Variants in CTNND2 observed in about 807,000 individuals in gnomAD.
CTNND2 encodes the protein catenin delta-2.
Under a neutral mutation model 144.4 loss-of-function variants are expected in CTNND2, and 22 were observed. The observed-to-expected ratio is 0.15, with a 90% CI of 0.11 to 0.22. The LOEUF (loss-of-function observed/expected upper bound fraction) is 0.22. Among genes scored for constraint, CTNND2 ranks in the 10% least tolerant of loss-of-function variants. The pLI is 1.00. For missense variants in CTNND2, 1,353 were observed against 1,618.8 expected (o/e 0.84, Z 2.82); for synonymous variants, 751 against 695.6 (o/e 1.08, Z -1.25).
intron 11 of CTNND2, among the ~76,000 whole-genome samples, chr5:11,186,893 C>T (rs1295985339): frequency 2.0e-5 from 3 of 152,154 alleles, no homozygotes; most frequent in African/African-American, 7.2e-5. Flanking sequence ...AAGCATGCCC[C>T]TTACATCCAA....
chr5:11,718,397 C>T (rs962699121), intron 2 of CTNND2, among the ~76,000 whole-genome samples: 1 of 152,174 alleles, frequency 6.6e-6, no homozygotes, highest in Non-Finnish European at 1.5e-5. Context: ...TGAGCTCCCG[C>T]TTCTGTAGGA....
intron 3 of CTNND2, among the ~76,000 whole-genome samples, chr5:11,547,225 G>A (rs564106432): frequency 1.3e-5 from 2 of 151,474 alleles, no homozygotes; most frequent in East Asian, 3.9e-4. Context: ...CCAAGATCAC[G>A]CCACCGCACT....
intron 1 of CTNND2, among the ~76,000 whole-genome samples, chr5:11,745,227 C>A (rs934367406): frequency 1.3e-5 from 2 of 152,122 alleles, no homozygotes; most frequent in Non-Finnish European, 2.9e-5. Context: ...GTGGCACATA[C>A]ATTGTTGGCA....
Position 11,022,732 on chromosome 5 carries a change from T to C in CTNND2, c.2999+37A>G, listed in dbSNP as rs188376316. The C allele has an allele frequency of 3.7e-4, 584 of 1,561,220 alleles. 3 individuals carry two copies. In the African/African-American group the frequency reaches 4.5e-3, roughly 12 times the overall value. The stretch of plus-strand genomic sequence containing the variant: ...TGAAAGGCACATTCAGAACCAATTT[T>C]ACCAGGACAGAGATATGGCGTCACC... On this transcript the variant is annotated intron_variant, in intron 17 of 21. Transcript: ENST00000304623.
intron 1 of CTNND2, among the ~76,000 whole-genome samples, chr5:11,752,153 C>T (rs1010397967): frequency 2.0e-5 from 3 of 151,724 alleles, no homozygotes; most frequent in Non-Finnish European, 2.9e-5. Flanking sequence ...ATTCTGTACG[C>T]CGTCTGTTTA....
chr5:11,075,375 T>G (rs765725043), intron 16 of CTNND2, among the ~76,000 whole-genome samples: 5 of 152,314 alleles, frequency 3.3e-5, no homozygotes, highest in South Asian at 4.1e-4. Context: ...TAGGAACATA[T>G]GGGGGCGTCA....
In CTNND2 at chr5:11,180,167, TAGTG is replaced by T. The variant is rs551735219; in HGVS notation, c.1975+19277_1975+19280del. ...GGTTTCCCCCATGCTGTTCTTGTGA[TAGTG>T]AGTGAATTCTCATGAGATCCAGTGG... On this transcript the variant is annotated intron_variant, in intron 11 of 21. Transcript: ENST00000304623. 1.2e-3 allele frequency among the ~76,000 whole-genome samples: 182 copies of T among 152,158 alleles called. 1 individual carries two copies. The highest frequency in any genetic ancestry group is 4.3e-3 in the African/African-American group (178 of 41,492).
chr5:10,993,747 T>C (rs1319154558), intron 18 of CTNND2, among the ~76,000 whole-genome samples: 1 of 152,118 alleles, frequency 6.6e-6, no homozygotes. Flanking sequence ...ATTCTGGCTT[T>C]ATCCTATCAG....
intron 8 of CTNND2, among the ~76,000 whole-genome samples, chr5:11,347,011 G>A (rs1029810704): frequency 2.6e-5 from 4 of 152,176 alleles, no homozygotes; most frequent in African/African-American, 7.2e-5. Context: ...ATGTGTTCCG[G>A]TAATGTTATA....
At chr5:11,748,013 A>G (rs1232942690) in intron 1 of CTNND2, among the ~76,000 whole-genome samples, 1 of 152,116 alleles carries the variant, frequency 6.6e-6, no homozygotes, top group Non-Finnish European at 1.5e-5. Flanking sequence ...AGCACAAAAA[A>G]TCTCACTCTG....
At chr5:11,538,064 G>A (rs781751566) in intron 3 of CTNND2, among the ~76,000 whole-genome samples, 13 of 152,142 alleles carry the variant, frequency 8.5e-5, no homozygotes, top group Non-Finnish European at 1.6e-4. Context: ...TTGTCACTTT[G>A]GAGCTGACCA....
chr5:11,328,488 G>C (rs1264970281), intron 9 of CTNND2, among the ~76,000 whole-genome samples: 1 of 151,732 alleles, frequency 6.6e-6, no homozygotes, highest in Non-Finnish European at 1.5e-5. Flanking sequence ...ATTTTTTGTA[G>C]AGATGGGGTT....
intron 1 of CTNND2, among the ~76,000 whole-genome samples, chr5:11,835,294 T>C (rs149339387): frequency 6.6e-6 from 1 of 152,354 alleles, no homozygotes; most frequent in African/African-American, 2.4e-5. Context: ...TCTGAGTTGG[T>C]ATCAGGGTAA....
At chr5:11,057,959 C>G (rs1281523559) in intron 16 of CTNND2, among the ~76,000 whole-genome samples, 1 of 152,068 alleles carries the variant, frequency 6.6e-6, no homozygotes, top group Admixed American at 6.6e-5. Context: ...GAACTTTGAA[C>G]ATAAGAGAGA....
chr5:11,272,971 A>T (rs1457161427), intron 9 of CTNND2, among the ~76,000 whole-genome samples: 1 of 152,136 alleles, frequency 6.6e-6, no homozygotes, highest in Non-Finnish European at 1.5e-5. Context: ...GATGACAGGG[A>T]ACACTAACTT....
At chr5:11,565,485 C>A (rs931217533) in intron 2 of CTNND2, among the ~76,000 whole-genome samples, 1 of 152,152 alleles carries the variant, frequency 6.6e-6, no homozygotes, top group African/African-American at 2.4e-5. Flanking sequence ...CCCTACTGGC[C>A]TTCTGGCCAA....
At chr5:11,662,523 C>T (rs897242341) in intron 2 of CTNND2, among the ~76,000 whole-genome samples, 1 of 151,988 alleles carries the variant, frequency 6.6e-6, no homozygotes, top group Non-Finnish European at 1.5e-5. Flanking sequence ...GCTTTATAGT[C>T]TAGCCATGTT....
intron 15 of CTNND2, among the ~76,000 whole-genome samples, chr5:11,088,577 C>A (rs1750423817): frequency 6.6e-6 from 1 of 151,994 alleles, no homozygotes; most frequent in South Asian, 2.1e-4. Flanking sequence ...TCTTTTGGAA[C>A]CAGAAAACAT....
At chr5:11,690,232 C>T (rs928624410) in intron 2 of CTNND2, among the ~76,000 whole-genome samples, 2 of 152,118 alleles carry the variant, frequency 1.3e-5, no homozygotes, top group African/African-American at 4.8e-5. Context: ...TGCAGGAATT[C>T]AAAATCATGT....
Sources: gnomAD v4.1 joint callset for allele counts (sites outside exome capture counted in the v4.1 genomes callset) on GRCh38, gnomAD v4.1.1 for gene constraint, MANE v1.5 for transcripts, NCBI Gene and HGNC (gene_info 2026-07-23, HGNC 2026-07-21) for gene names.